The following CDH13 variants were observed in gnomAD, a reference collection of about 807,000 sequenced individuals.
CDH13 encodes cadherin 13.
CDH13 carries 24 observed loss-of-function variants against 63.8 expected under a neutral mutation model. The ratio of observed to expected loss-of-function variants is 0.38; its 90% CI spans 0.27 to 0.53. CDH13 has a LOEUF of 0.53. Among genes scored for constraint, CDH13 ranks in the 20% least tolerant of loss-of-function variants. The probability of loss-of-function intolerance (pLI) is 0.85; values close to 1 mark genes in which losing one functional copy is unlikely to be tolerated. For synonymous variants in CDH13, 503 were observed against 355.3 expected, an observed-to-expected ratio of 1.42 and a Z score of -4.67; for missense variants, 1,049 against 903.1, an observed-to-expected ratio of 1.16 and a Z score of -2.07.
chr16:83,246,949 A>T (rs1026787024), intron 5 of CDH13, among the ~76,000 whole-genome samples: 7 of 152,212 alleles, frequency 4.6e-5, no homozygotes, highest in Admixed American at 3.9e-4. Flanking sequence ...GCCTTTGCGT[A>T]TCCATCTCTA....
chr16:83,558,529 G>A (rs553612443), intron 7 of CDH13, among the ~76,000 whole-genome samples: 1 of 152,216 alleles, frequency 6.6e-6, no homozygotes, highest in East Asian at 1.9e-4. Flanking sequence ...TAAGCAACGT[G>A]GACCACAGGT....
At position 83,727,446 on chromosome 16, in the gene CDH13, C is replaced by T. The variant is rs181508100; in HGVS notation, c.1539-20662C>T. ...ATTTTATAGCAAGCACCCTTTGCCC[C>T]ATCACCGAGATTCTCCCAGCACATC... On this transcript the variant is annotated intron_variant, in intron 10 of 13. Transcript: ENST00000567109. Among the ~76,000 whole-genome samples, 252 of 151,828 alleles carry T rather than the reference C, an allele frequency of 1.7e-3. 1 individual carries two copies. Among genetic ancestry groups the T allele is most frequent in the Admixed American group, 3.9e-3 (60 of 15,258 alleles).
At chr16:83,336,040 C>T (rs1472251322) in intron 5 of CDH13, among the ~76,000 whole-genome samples, 1 of 152,066 alleles carries the variant, frequency 6.6e-6, no homozygotes, top group Non-Finnish European at 1.5e-5. Flanking sequence ...GTAGCTCACA[C>T]CTGTAATCTC....
intron 3 of CDH13, among the ~76,000 whole-genome samples, chr16:83,066,138 T>C (rs2031991291): frequency 1.3e-5 from 2 of 152,242 alleles, no homozygotes; most frequent in Admixed American, 6.5e-5. Flanking sequence ...TAAAACTAGA[T>C]ATGAAATTTG....
At chr16:83,614,942 GCAAGAAGGGAACTCTAAATC>G (rs1350661306) in intron 8 of CDH13, among the ~76,000 whole-genome samples, 3 of 152,122 alleles carry the variant, frequency 2.0e-5, no homozygotes, top group African/African-American at 4.8e-5. Flanking sequence ...ATATCGATAA[GCAAGAAGGGAACTCTAAATC>G]CAAGAAAGCT....
chr16:83,562,852 A>G (rs2075732209), intron 7 of CDH13, among the ~76,000 whole-genome samples: 1 of 152,234 alleles, frequency 6.6e-6, no homozygotes, highest in Non-Finnish European at 1.5e-5. Context: ...TAGAAGTGCT[A>G]TTCTACTGTT....
intron 2 of CDH13, among the ~76,000 whole-genome samples, chr16:82,912,044 G>A (rs539135497): frequency 3.3e-5 from 5 of 151,880 alleles, no homozygotes; most frequent in Non-Finnish European, 5.9e-5. Context: ...CAGCTCCCAC[G>A]GCTCTAATTC....
At chr16:82,711,959 A>G (rs12443737) in intron 1 of CDH13, among the ~76,000 whole-genome samples, 13,948 of 152,216 alleles carry the variant, frequency 0.092, 687 homozygotes, top group African/African-American at 0.11. Flanking sequence ...CTAGGCAGTC[A>G]ATGCTGGTTT....
At chr16:83,498,515 A>C (rs2074199446) in intron 7 of CDH13, among the ~76,000 whole-genome samples, 1 of 152,220 alleles carries the variant, frequency 6.6e-6, no homozygotes, top group Non-Finnish European at 1.5e-5. Context: ...CAGTGTCACC[A>C]TGTGTCTTAC....
At chr16:82,715,007 A>G (rs933468636) in intron 1 of CDH13, among the ~76,000 whole-genome samples, 1 of 140,640 alleles carries the variant, frequency 7.1e-6, no homozygotes, top group Admixed American at 7.9e-5. Context: ...TCCGTAGGAA[A>G]CTAATACAAA....
chr16:83,409,895 A>G (rs2092101909), intron 6 of CDH13, among the ~76,000 whole-genome samples: 2 of 152,232 alleles, frequency 1.3e-5, no homozygotes, highest in South Asian at 2.1e-4. Flanking sequence ...CCAGATTTAG[A>G]AGAAGCCATG....
At chr16:83,159,430 T>G (rs756637774) in intron 4 of CDH13, among the ~76,000 whole-genome samples, 14 of 151,994 alleles carry the variant, frequency 9.2e-5, no homozygotes, top group Non-Finnish European at 1.6e-4. Context: ...TTAATGGGTA[T>G]CATATGGGGT....
At chr16:83,269,744 TCTC>T (rs2088742819) in intron 5 of CDH13, among the ~76,000 whole-genome samples, 1 of 152,098 alleles carries the variant, frequency 6.6e-6, no homozygotes, top group Non-Finnish European at 1.5e-5. Context: ...CACCTTCCCT[TCTC>T]CTAGCCTTGC....
intron 5 of CDH13, among the ~76,000 whole-genome samples, chr16:83,237,337 C>T (rs569307217): frequency 2.0e-5 from 3 of 152,262 alleles, no homozygotes; most frequent in South Asian, 2.1e-4. Flanking sequence ...CTAGTGACCA[C>T]GAAACTAAGC....
intron 6 of CDH13, among the ~76,000 whole-genome samples, chr16:83,395,108 A>T (rs184474749): frequency 4.9e-5 from 7 of 143,362 alleles, no homozygotes; most frequent in Admixed American, 7.5e-5. Flanking sequence ...AGATCGTGCC[A>T]TTGCACTCCA....
rs1046033242 is a variant in CDH13, at chr16:82,927,931, A to T, written c.157+69458A>T. On this transcript the variant is annotated intron_variant, in intron 2 of 13. Transcript: ENST00000567109. ...TTAAATAGCAGTCATTGTATTAGAT[A>T]TTGGGGCTATAAGACATGGTCTAGT... is the stretch of plus-strand genomic sequence containing the variant. Among the ~76,000 whole-genome samples, 16 of 152,192 alleles carry T rather than the reference A, an allele frequency of 1.1e-4. 1 individual carries two copies. Among genetic ancestry groups the T allele is most frequent in the Non-Finnish European group, 1.5e-4 (10 of 68,034 alleles).
intron 2 of CDH13, chr16:82,925,859 G>C (rs1484695184): frequency 6.6e-6 from 1 of 151,362 alleles, no homozygotes; most frequent in Non-Finnish European, 1.5e-5. Flanking sequence ...TTTTTTTGTT[G>C]TTTTCTCCAT....
At chr16:83,365,837 G>A (rs2091248250) in intron 6 of CDH13, among the ~76,000 whole-genome samples, 1 of 152,132 alleles carries the variant, frequency 6.6e-6, no homozygotes, top group South Asian at 2.1e-4. Flanking sequence ...TGGGCTGCAT[G>A]GGAAGTGTGA....
At chr16:83,758,460 A>T (rs939785348) in intron 11 of CDH13, among the ~76,000 whole-genome samples, 8 of 138,582 alleles carry the variant, frequency 5.8e-5, no homozygotes, top group Non-Finnish European at 1.3e-4. Context: ...GTCTAGTTTT[A>T]AAAAAAAAAT....
Sources: allele counts gnomAD v4.1 joint callset (sites outside exome capture counted in the v4.1 genomes callset), GRCh38; gene constraint gnomAD v4.1.1; transcripts MANE v1.5; gene names NCBI Gene and HGNC (gene_info 2026-07-23, HGNC 2026-07-21).